The following TENM2 variants were observed in gnomAD, a reference collection of about 807,000 sequenced individuals.
TENM2 encodes the protein teneurin-2.
A neutral mutation model predicts 245.2 loss-of-function variants in TENM2; 52 were observed. That is an observed-to-expected ratio of 0.21 (90% CI 0.17 to 0.27). The LOEUF is 0.27. TENM2 is among the 10% of genes least tolerant of loss of function. The pLI is 1.00. For synonymous variants in TENM2, 1,363 were observed against 1,438.9 expected, an observed-to-expected ratio of 0.95 and a Z score of 1.19; for missense variants, 3,046 against 3,666.8, an observed-to-expected ratio of 0.83 and a Z score of 4.37.
chr5:167,943,907 AG>A (rs1779388404), intron 3 of TENM2, among the ~76,000 whole-genome samples: 1 of 152,196 alleles, frequency 6.6e-6, no homozygotes, highest in Non-Finnish European at 1.5e-5. Flanking sequence ...TGAAATGCTC[AG>A]ATAGGCACTG....
chr5:167,039,476 A>G, the TENM2 span, among the ~76,000 whole-genome samples: 29 of 152,202 alleles, frequency 1.9e-4, no homozygotes, highest in African/African-American at 6.8e-4. Flanking sequence ...CAGATTAGGC[A>G]TCTATGCTCA....
intron 1 of TENM2, among the ~76,000 whole-genome samples, chr5:167,365,545 C>T (rs1410150190): frequency 6.6e-6 from 1 of 151,518 alleles, no homozygotes; most frequent in Non-Finnish European, 1.5e-5. Flanking sequence ...AAGGATCCCT[C>T]ATATCAAAAA....
chr5:167,749,501 G>A (rs573475499), intron 2 of TENM2, among the ~76,000 whole-genome samples: 3 of 152,172 alleles, frequency 2.0e-5, no homozygotes, highest in Admixed American at 2.0e-4. Context: ...AGCCGGGTGT[G>A]GTGGTGGGCA....
intron 6 of TENM2, among the ~76,000 whole-genome samples, chr5:168,054,255 T>C (rs1490622361): frequency 1.3e-5 from 2 of 152,224 alleles, no homozygotes; most frequent in Non-Finnish European, 1.5e-5. Flanking sequence ...CAGGATGTAA[T>C]TGCATTCCTA....
the TENM2 span, among the ~76,000 whole-genome samples, chr5:167,112,434 A>G: frequency 5.9e-5 from 9 of 152,332 alleles, no homozygotes; most frequent in African/African-American, 1.2e-4. Context: ...CTTTTTGGGG[A>G]AAAAGGTTCA....
At chr5:167,009,151 A>G in the TENM2 span, among the ~76,000 whole-genome samples, 3 of 108,836 alleles carry the variant, frequency 2.8e-5, no homozygotes, top group African/African-American at 1.0e-4. Flanking sequence ...TAAGGCTTGA[A>G]TTATGTGTCA....
chr5:167,431,914 GATATAT>G (rs140335875), intron 2 of TENM2, among the ~76,000 whole-genome samples: 1 of 100,110 alleles, frequency 1.0e-5, no homozygotes, highest in East Asian at 2.0e-4. Flanking sequence ...TCCAAGGTGT[GATATAT>G]ATATATACAT....
chr5:167,278,123 G>A, the TENM2 span, among the ~76,000 whole-genome samples: 1 of 151,864 alleles, frequency 6.6e-6, no homozygotes, highest in East Asian at 1.9e-4. Context: ...TGGCAACATG[G>A]CAAAATTCCA....
chr5:167,313,899 G>T (rs1045279073), intron 1 of TENM2, among the ~76,000 whole-genome samples: 1 of 152,138 alleles, frequency 6.6e-6, no homozygotes, highest in African/African-American at 2.4e-5. Flanking sequence ...ATCCCATTTG[G>T]AGTAAAGAAC....
chr5:167,103,414 C>T, the TENM2 span, among the ~76,000 whole-genome samples: 4 of 152,060 alleles, frequency 2.6e-5, no homozygotes, highest in Non-Finnish European at 4.4e-5. Flanking sequence ...CTGTGTTTAC[C>T]GAAGGAGTTC....
intron 2 of TENM2, among the ~76,000 whole-genome samples, chr5:167,495,346 T>G (rs900213155): frequency 1.3e-5 from 2 of 152,064 alleles, no homozygotes; most frequent in Admixed American, 6.6e-5. Context: ...GAAAATTCTT[T>G]GGGGCTGTTT....
chr5:167,056,135 C>T, the TENM2 span, among the ~76,000 whole-genome samples: 1 of 151,856 alleles, frequency 6.6e-6, no homozygotes, highest in Non-Finnish European at 1.5e-5. Flanking sequence ...TTGGATTTGT[C>T]AAATGCTTTC....
Position 168,234,158 on chromosome 5 carries a change from G to A in TENM2, c.5520+6028G>A, listed in dbSNP as rs919545872. ...ATGTCCTCTTCACATTGCGGGGGTG[G>A]GGGGTGGTCAGGCAGACTTAGCCAA... On this transcript the variant is annotated intron_variant, in intron 25 of 28. Transcript: ENST00000518659. Among the ~76,000 whole-genome samples the A allele has an allele frequency of 7.2e-5, 11 of 152,018 alleles. No individual in the cohort carries two copies. The South Asian group carries it at 1.5e-3, about 20-fold the overall frequency.
chr5:167,651,082 C>T (rs1416236977), intron 2 of TENM2, among the ~76,000 whole-genome samples: 1 of 151,868 alleles, frequency 6.6e-6, no homozygotes, highest in African/African-American at 2.4e-5. Flanking sequence ...ATCATGTCAT[C>T]CTACTTGAAG....
At chr5:168,036,200 A>G (rs967890318) in intron 5 of TENM2, among the ~76,000 whole-genome samples, 1 of 152,180 alleles carries the variant, frequency 6.6e-6, no homozygotes, top group Non-Finnish European at 1.5e-5. Flanking sequence ...ACCATGTCGA[A>G]TGTCACTCTG....
chr5:167,606,136 T>C (rs1209832995), intron 2 of TENM2, among the ~76,000 whole-genome samples: 1 of 152,202 alleles, frequency 6.6e-6, no homozygotes, highest in African/African-American at 2.4e-5. Flanking sequence ...CCCTGGACCT[T>C]GAGCCAAGAC....
chr5:168,199,160 G>A (rs544112707), intron 16 of TENM2, 46 bp downstream of exon 18: 92 of 1,577,844 alleles, frequency 5.8e-5, no homozygotes, highest in Admixed American at 2.4e-4. Flanking sequence ...CTTCCCTAAC[G>A]AAAACCAACT....
At chr5:167,295,260 T>C (rs952310048) in intron 1 of TENM2, among the ~76,000 whole-genome samples, 10 of 152,236 alleles carry the variant, frequency 6.6e-5, no homozygotes, top group Non-Finnish European at 1.3e-4. Context: ...TCTCACATTT[T>C]GAAATGCCAA....
the TENM2 span, among the ~76,000 whole-genome samples, chr5:167,238,278 A>G: frequency 6.7e-6 from 1 of 148,326 alleles, no homozygotes; most frequent in Non-Finnish European, 1.5e-5. Flanking sequence ...AATGTGATTG[A>G]CAACATTTTT....
Sources: gnomAD v4.1 joint callset for allele counts (sites outside exome capture counted in the v4.1 genomes callset) on GRCh38, gnomAD v4.1.1 for gene constraint, MANE v1.5 for transcripts, NCBI Gene and HGNC (gene_info 2026-07-23, HGNC 2026-07-21) for gene names.